Variants in POC1A observed in about 807,000 individuals in gnomAD.
POC1A encodes POC1 centriolar protein A.
POC1A carries 34 observed loss-of-function variants against 47.8 expected under a neutral mutation model. The ratio of observed to expected loss-of-function variants is 0.71; its 90% CI spans 0.54 to 0.95. POC1A has a LOEUF of 0.95. Among genes scored for constraint, POC1A ranks in the 40% least tolerant of loss-of-function variants. The pLI, the probability that POC1A is intolerant of heterozygous loss-of-function variation, is 0.00. For synonymous variants in POC1A, 177 were observed against 207.6 expected (o/e 0.85, Z 1.27); for missense variants, 466 against 528.3 (o/e 0.88, Z 1.16).
rs1577929174 is a variant in POC1A at position 52,150,004 on chromosome 3, A to G, written c.104-17T>C. On this transcript the variant is annotated splice_polypyrimidine_tract_variant and intron_variant, in intron 2 of 10. Coordinates refer to ENST00000296484, the MANE Select transcript of POC1A (RefSeq NM_015426.5). Reference sequence around the variant, plus strand: ...AGCCACTGGCTGAGGACAGTGGGTGATGCTATGACCTACAGCTCTAACAGG... The same window carrying G: ...AGCCACTGGCTGAGGACAGTGGGTGGTGCTATGACCTACAGCTCTAACAGG... The G allele has an allele frequency of 6.2e-7, 1 of 1,607,450 alleles. No homozygotes were observed. The highest frequency in any genetic ancestry group is 8.5e-7 in the Non-Finnish European group (1 of 1,175,960).
In POC1A at chr3:52,089,939, T is replaced by C. The variant is rs575570106; in HGVS notation, c.1125+6630A>G. 3.9e-5 allele frequency among the ~76,000 whole-genome samples: 5 copies of C among 127,396 alleles called. No individual in the cohort carries two copies. In the East Asian group the frequency reaches 1.3e-3, roughly 32 times the overall value. 83.6% of individuals were successfully genotyped at this position (127,396 alleles called of 152,430 possible). On this transcript the variant is annotated intron_variant, in intron 10 of 10. Transcript: ENST00000296484. ...TGCCTCACCTGAGCAGCCCGTCAAA[T>C]AGGAACTTCCAGGACTACCATGGGG...
intron 10 of POC1A, among the ~76,000 whole-genome samples, 198 bp downstream of exon 10, chr3:52,096,371 G>C (rs938668926): frequency 6.6e-6 from 1 of 152,258 alleles, no homozygotes; most frequent in Non-Finnish European, 1.5e-5. Flanking sequence ...GGAGTCTAGT[G>C]GTCTGGCCAG....
intron 10 of POC1A, among the ~76,000 whole-genome samples, chr3:52,094,726 GT>G (rs1176975100): frequency 6.6e-6 from 1 of 152,238 alleles, no homozygotes; most frequent in Admixed American, 6.5e-5. Context: ...GACACTGTCA[GT>G]TTTGCAAAGC....
At chr3:52,089,177 C>A (rs1702562574) in intron 10 of POC1A, among the ~76,000 whole-genome samples, 1 of 152,026 alleles carries the variant, frequency 6.6e-6, no homozygotes, top group Non-Finnish European at 1.5e-5. Flanking sequence ...ACGAAGGAGG[C>A]AGGGCACTGG....
intron 7 of POC1A, among the ~76,000 whole-genome samples, chr3:52,135,305 CTT>C (rs1261126113): frequency 6.6e-6 from 1 of 152,248 alleles, no homozygotes; most frequent in Admixed American, 6.5e-5. Flanking sequence ...GACCCCGTAT[CTT>C]AACCAAATGC....
chr3:52,129,870 C>T (rs766640468), intron 7 of POC1A, among the ~76,000 whole-genome samples: 4 of 152,188 alleles, frequency 2.6e-5, no homozygotes, highest in Admixed American at 1.3e-4. Context: ...AATTTCCAGA[C>T]CTAAAAAGGA....
At chr3:52,103,764 T>A (rs978885520) in intron 9 of POC1A, among the ~76,000 whole-genome samples, 8 of 151,994 alleles carry the variant, frequency 5.3e-5, no homozygotes, top group African/African-American at 1.9e-4. Context: ...ATCATTAGGA[T>A]AATGGAAGTT....
chr3:52,151,064 G>A lies in POC1A; in HGVS notation c.55C>T (p.Arg19Ter), dbSNP rs778252554. 4.3e-6 allele frequency: 7 copies of A among 1,613,758 alleles called. No homozygotes were observed. Among genetic ancestry groups the A allele is most frequent in the East Asian group, 2.2e-5 (1 of 44,886 alleles). Residue 19 changes from arginine (R) to a stop codon, truncating the protein, a stop_gained, in exon 2 of 11, where the codon CGA (arginine) becomes TGA (stop). Coordinates refer to ENST00000296484, the MANE Select transcript of POC1A (RefSeq NM_015426.5). LOFTEE classifies it high-confidence loss of function. Reference protein sequence around the residue: ...PSLERHFKGHRDAVTCVDFSI... With the variant: ...PSLERHFKGH ...AAGTCCACACAGGTAACTGCATCTCGGTGGCCCTTAAAATGCCTTTCCAGC... is the reference window on the plus strand; with the variant it reads ...AAGTCCACACAGGTAACTGCATCTCAGTGGCCCTTAAAATGCCTTTCCAGC...
In POC1A at chr3:52,154,395, G is replaced by A. The variant is rs1397075495; in HGVS notation, c.-23C>T. 7 of 1,460,352 alleles carry A rather than the reference G, an allele frequency of 4.8e-6. No homozygotes were observed. Among genetic ancestry groups the A allele is most frequent in the Non-Finnish European group, 6.3e-6 (7 of 1,112,732 alleles). 90.5% of individuals were successfully genotyped at this position (1,460,352 alleles called of 1,614,324 possible). On this transcript the variant is annotated 5_prime_UTR_variant, in exon 1 of 11. Transcript: ENST00000296484. ...CATGGCGGGGCTGGCGGCGCCGAAG[G>A]CAGCTGCGGTGGCCGTTGCGGCCCG...
chr3:52,087,153 A>G (rs776370094), intron 10 of POC1A, among the ~76,000 whole-genome samples: 4 of 152,164 alleles, frequency 2.6e-5, no homozygotes, highest in Non-Finnish European at 5.9e-5. Flanking sequence ...GGAGGGAGGA[A>G]GCCTCATTGC....
chr3:52,105,526 G>A (rs1398849548), intron 9 of POC1A, among the ~76,000 whole-genome samples: 4 of 152,184 alleles, frequency 2.6e-5, no homozygotes, highest in Non-Finnish European at 5.9e-5. Context: ...TCAGCCTCAC[G>A]TCCATCTTCT....
intron 8 of POC1A, among the ~76,000 whole-genome samples, chr3:52,124,817 A>G (rs1476895686): frequency 6.6e-6 from 1 of 152,206 alleles, no homozygotes; most frequent in Non-Finnish European, 1.5e-5. Flanking sequence ...TAACTAAAAA[A>G]CCAACTTTTC....
At chr3:52,106,252 T>A (rs1577846314) in intron 9 of POC1A, among the ~76,000 whole-genome samples, 1 of 143,022 alleles carries the variant, frequency 7.0e-6, no homozygotes, top group African/African-American at 2.6e-5. Context: ...CACGGTAACC[T>A]CCAAAACCAA....
intron 6 of POC1A, among the ~76,000 whole-genome samples, chr3:52,139,519 T>G (rs1449138917): frequency 6.6e-6 from 1 of 152,174 alleles, no homozygotes; most frequent in African/African-American, 2.4e-5. Context: ...TTCCCTGACC[T>G]TAAAGCTCAT....
intron 10 of POC1A, among the ~76,000 whole-genome samples, chr3:52,085,277 C>A (rs1439964713): frequency 2.0e-5 from 3 of 152,182 alleles, no homozygotes; most frequent in African/African-American, 7.2e-5. Flanking sequence ...GGGCTCGAGG[C>A]ACTTCCCTCT....
intron 9 of POC1A, 129 bp downstream of exon 9, chr3:52,122,250 T>A: frequency 3.3e-6 from 2 of 605,082 alleles, no homozygotes; most frequent in Non-Finnish European, 5.9e-6. Context: ...AATGAGAAGA[T>A]CTTGCTAGGG....
intron 9 of POC1A, among the ~76,000 whole-genome samples, chr3:52,108,029 G>C (rs1189479546): frequency 1.3e-5 from 2 of 152,300 alleles, no homozygotes; most frequent in Middle Eastern, 3.4e-3. Flanking sequence ...TGACACTTCT[G>C]AAGAATATTG....
intron 7 of POC1A, among the ~76,000 whole-genome samples, chr3:52,127,207 T>A (rs1370256921): frequency 6.6e-6 from 1 of 152,140 alleles, no homozygotes; most frequent in African/African-American, 2.4e-5. Flanking sequence ...ATCCCAAGTG[T>A]AAGACATCAC....
At chr3:52,135,899 G>C (rs1704439032) in intron 7 of POC1A, among the ~76,000 whole-genome samples, 1 of 152,178 alleles carries the variant, frequency 6.6e-6, no homozygotes, top group African/African-American at 2.4e-5. Flanking sequence ...TTTCAACCCA[G>C]GCCAGCTGTA....
Sources: allele counts gnomAD v4.1 joint callset (sites outside exome capture counted in the v4.1 genomes callset), GRCh38; gene constraint gnomAD v4.1.1; transcripts MANE v1.5; gene names NCBI Gene and HGNC (gene_info 2026-07-23, HGNC 2026-07-21).